The following COG5 variants were observed in gnomAD, a reference collection of about 807,000 sequenced individuals.
COG5 encodes the protein conserved oligomeric Golgi complex subunit 5.
COG5 carries 86 observed loss-of-function variants against 110.4 expected under a neutral mutation model. That is an observed-to-expected ratio of 0.78 (90% CI 0.65 to 0.93). The LOEUF is 0.93. Among genes scored for constraint, COG5 ranks in the 40% least tolerant of loss-of-function variants. The pLI is 0.00. For synonymous variants in COG5, 360 were observed against 334.6 expected, an observed-to-expected ratio of 1.08 and a Z score of -0.83; for missense variants, 1,077 against 987.0, an observed-to-expected ratio of 1.09 and a Z score of -1.22.
At chr7:107,516,093 A>C (rs1399254486) in intron 6 of COG5, among the ~76,000 whole-genome samples, 1 of 152,244 alleles carries the variant, frequency 6.6e-6, no homozygotes, top group Non-Finnish European at 1.5e-5. Context: ...TACACTTTGT[A>C]GTTTTATTTT....
intron 6 of COG5, among the ~76,000 whole-genome samples, chr7:107,451,548 ACT>A (rs1563043125): frequency 2.0e-5 from 3 of 152,116 alleles, no homozygotes; most frequent in Non-Finnish European, 4.4e-5. Context: ...GTCAAGTTAC[ACT>A]GAGTGTGCCT....
intron 6 of COG5, among the ~76,000 whole-genome samples, chr7:107,500,931 T>C (rs925787262): frequency 1.8e-4 from 28 of 152,160 alleles, no homozygotes; most frequent in Admixed American, 2.0e-4. Context: ...AAATTTACAT[T>C]CAACCATTCT....
chr7:107,316,147 AAG>A (rs902860045), intron 11 of COG5, among the ~76,000 whole-genome samples: 2 of 152,220 alleles, frequency 1.3e-5, no homozygotes, highest in Non-Finnish European at 2.9e-5. Context: ...TTTACATAAA[AAG>A]AGAGAGAGTA....
Position 107,230,691 on chromosome 7 carries a change from TC to T in COG5, c.2092-1del. ...CAGAATGGACCCACAGCCAACTCCA[TC>T]TGAAATATTAAAATATACTCCATTG... is the stretch of plus-strand genomic sequence containing the variant. On this transcript the variant is annotated splice_acceptor_variant, in intron 18 of 21. Coordinates refer to ENST00000297135, the MANE Select transcript of COG5 (RefSeq NM_006348.5). LOFTEE classifies it high-confidence loss of function. 1 of 1,604,524 alleles carries T rather than the reference TC, an allele frequency of 6.2e-7. No homozygotes were observed. Among genetic ancestry groups the T allele is most frequent in the Non-Finnish European group, 8.5e-7 (1 of 1,171,426 alleles).
At chr7:107,266,056 TAAC>T (rs1038432024) in intron 14 of COG5, among the ~76,000 whole-genome samples, 9 of 151,774 alleles carry the variant, frequency 5.9e-5, no homozygotes, top group Non-Finnish European at 1.0e-4. Flanking sequence ...CAAATAATAA[TAAC>T]AACAATAATA....
At chr7:107,550,887 CTTTG>C (rs888185787) in intron 3 of COG5, among the ~76,000 whole-genome samples, 2 of 144,066 alleles carry the variant, frequency 1.4e-5, no homozygotes, top group South Asian at 2.1e-4. Flanking sequence ...TCTACTTGTA[CTTTG>C]TTTTTTTTTT....
At chr7:107,266,733 C>A (rs1803832156) in intron 14 of COG5, among the ~76,000 whole-genome samples, 1 of 152,146 alleles carries the variant, frequency 6.6e-6, no homozygotes, top group South Asian at 2.1e-4. Flanking sequence ...AACCAGAGGA[C>A]TAACCATGTT....
chr7:107,348,531 T>C (rs1429899413), intron 10 of COG5, among the ~76,000 whole-genome samples: 1 of 152,222 alleles, frequency 6.6e-6, no homozygotes, highest in African/African-American at 2.4e-5. Context: ...AGTTGTATTT[T>C]TCTAGAAATC....
chr7:107,362,344 C>T lies in COG5; in HGVS notation c.912G>A (p.Glu304=). ...CAGCATAAATATGATCCATAAGTTT[C>T]TCCATATTGGTCCAGAATGAGGCAC... ...ALRASFWTNM[E]KLMDHIYAVC... is the part of the protein sequence containing the mutation. The change falls in exon 9 of 22, where the codon GAG becomes GAA. Residue 304 remains glutamate (E), a synonymous_variant. Transcript: ENST00000297135. The T allele has an allele frequency of 6.2e-7, 1 of 1,613,318 alleles. No homozygotes were observed. The highest frequency in any genetic ancestry group is 8.5e-7 in the Non-Finnish European group (1 of 1,179,302).
At chr7:107,276,511 A>T (rs939220014) in intron 14 of COG5, among the ~76,000 whole-genome samples, 14 of 152,130 alleles carry the variant, frequency 9.2e-5, no homozygotes, top group African/African-American at 3.1e-4. Flanking sequence ...ATCGCTACAA[A>T]AAATAAGAAA....
chr7:107,561,180 T>C (rs1210212195), intron 1 of COG5, among the ~76,000 whole-genome samples: 1 of 152,244 alleles, frequency 6.6e-6, no homozygotes, highest in Non-Finnish European at 1.5e-5. Flanking sequence ...AATTATATAA[T>C]GCTTCTCTTT....
At position 107,474,943 on chromosome 7, in the gene COG5, C is replaced by T. The variant is rs1237030042; in HGVS notation, c.538+52294G>A. 3.7e-6 allele frequency: 6 copies of T among 1,612,446 alleles called. No individual in the cohort carries two copies. Among genetic ancestry groups the T allele is most frequent in the Non-Finnish European group, 4.2e-6 (5 of 1,179,232 alleles). ...TTCAGTTTCTGTAATAATTGCCCTC[C>T]GGCGAGCTGTGAAACGACACCGTGA... On this transcript the variant is annotated intron_variant, in intron 6 of 21. Transcript: ENST00000297135. The surrounding 1 kb of genome is among the most constrained non-coding windows in gnomAD (Gnocchi z 5.7).
intron 19 of COG5, among the ~76,000 whole-genome samples, chr7:107,220,404 T>C (rs1245631631): frequency 3.3e-5 from 5 of 152,226 alleles, no homozygotes; most frequent in African/African-American, 9.6e-5. Flanking sequence ...CTTTCGGAAT[T>C]ATTTTCACAT....
In COG5 at chr7:107,297,430, G is replaced by A. The variant is rs1019802909; in HGVS notation, c.1313+712C>T. Among the ~76,000 whole-genome samples the A allele has an allele frequency of 4.9e-5, 7 of 143,214 alleles. No individual in the cohort carries two copies. The East Asian group carries it at 1.5e-3, about 31-fold the overall frequency. The allele number at this position is 143,214 out of a possible 152,430, so 94.0% of individuals were successfully genotyped here. A position where few individuals can be genotyped will look rare whatever the true frequency, so the allele number is the denominator to read the frequency against. On this transcript the variant is annotated intron_variant, in intron 12 of 21. Coordinates refer to ENST00000297135, the MANE Select transcript of COG5 (RefSeq NM_006348.5). Reference sequence around the variant, plus strand: ...AATCCCCTACAAATACCCAAGGGATGAGTACATTCTGCCTTTTTTTTTTTT... The same window carrying A: ...AATCCCCTACAAATACCCAAGGGATAAGTACATTCTGCCTTTTTTTTTTTT...
At chr7:107,533,673 AC>A (rs1734122314) in intron 5 of COG5, among the ~76,000 whole-genome samples, 2 of 151,778 alleles carry the variant, frequency 1.3e-5, no homozygotes, top group African/African-American at 4.9e-5. Flanking sequence ...ATGTGAAAAG[AC>A]CAAACCTACA....
chr7:107,368,790 A>T (rs1813858710), intron 8 of COG5, among the ~76,000 whole-genome samples: 1 of 152,204 alleles, frequency 6.6e-6, no homozygotes, highest in East Asian at 1.9e-4. Flanking sequence ...CTTTCTCAAC[A>T]TTTATGTTTT....
At chr7:107,291,371 C>T (rs569836635) in intron 12 of COG5, among the ~76,000 whole-genome samples, 1 of 152,296 alleles carries the variant, frequency 6.6e-6, no homozygotes, top group East Asian at 1.9e-4. Flanking sequence ...CCACCACAAC[C>T]AGCCAAAACT....
chr7:107,539,090 C>G (rs771138115), intron 5 of COG5, among the ~76,000 whole-genome samples: 1 of 151,630 alleles, frequency 6.6e-6, no homozygotes, highest in East Asian at 1.9e-4. Context: ...CAAGCCTGGG[C>G]AACATAGTGA....
At chr7:107,267,007 A>G (rs992699851) in intron 14 of COG5, among the ~76,000 whole-genome samples, 5 of 152,206 alleles carry the variant, frequency 3.3e-5, no homozygotes, top group Non-Finnish European at 4.4e-5. Context: ...CTTCACACAA[A>G]TCTGTTATTA....
Sources: allele counts gnomAD v4.1 joint callset (sites outside exome capture counted in the v4.1 genomes callset), GRCh38; gene constraint gnomAD v4.1.1; non-coding constraint Gnocchi (gnomAD v3.1); transcripts MANE v1.5; gene names NCBI Gene and HGNC (gene_info 2026-07-23, HGNC 2026-07-21).